The following KIF13A variants were observed in gnomAD, a reference collection of about 807,000 sequenced individuals.
The protein encoded by KIF13A is kinesin family member 13A.
A neutral mutation model predicts 212.2 loss-of-function variants in KIF13A; 79 were observed. The observed-to-expected ratio is 0.37, with a 90% CI of 0.31 to 0.45. The LOEUF (loss-of-function observed/expected upper bound fraction) is 0.45. Ranked by LOEUF, KIF13A falls within the 20% of genes least tolerant of loss-of-function variation. The pLI is 1.00. For missense variants in KIF13A, 1,901 were observed against 2,209.0 expected (o/e 0.86, Z 2.79); for synonymous variants, 789 against 808.6 (o/e 0.98, Z 0.41).
At chr6:17,762,883 T>G (rs901633367), downstream of KIF13A, among the ~76,000 whole-genome samples, 3 of 152,184 alleles carry the variant, frequency 2.0e-5, no homozygotes, top group African/African-American at 7.2e-5. Flanking sequence ...TTAAGGGCTG[T>G]TATGAAAAGC....
chr6:17,869,151 T>C (rs781428256), intron 4 of KIF13A, among the ~76,000 whole-genome samples: 2 of 152,136 alleles, frequency 1.3e-5, no homozygotes, highest in African/African-American at 2.4e-5. Context: ...AAATGGCTGA[T>C]TCATGTTTTA....
At position 17,987,259 on chromosome 6, in the gene KIF13A, G is replaced by GGCGCACCGGGCACCACGGCCA. The variant is rs1403798698; in HGVS notation, c.56-116_56-115insTGGCCGTGGTGCCCGGTGCGC. On this transcript the variant is annotated intron_variant, in intron 1 of 38. Transcript: ENST00000259711. This position sits in a 1 kb window ranked among gnomAD's most constrained non-coding sequence, Gnocchi z 7.7. ...CCTGGAGGCGGCCGAGCCTGGAGACGGCGCCCCGGGCACCACGGCCAGCGC... is the reference window on the plus strand; with the variant it reads ...CCTGGAGGCGGCCGAGCCTGGAGACGGCGCACCGGGCACCACGGCCAGCGCCCCGGGCACCACGGCCAGCGC... 3.4e-6 allele frequency: 3 copies of GGCGCACCGGGCACCACGGCCA among 881,170 alleles called. No homozygotes were observed. Among genetic ancestry groups the GGCGCACCGGGCACCACGGCCA allele is most frequent in the Admixed American group, 4.7e-5 (1 of 21,224 alleles). 54.6% of individuals were successfully genotyped at this position (881,170 alleles called of 1,614,324 possible).
intron 16 of KIF13A, chr6:17,821,819 G>A (rs1404607364): frequency 6.5e-7 from 1 of 1,535,208 alleles, no homozygotes; most frequent in East Asian, 2.4e-5. Context: ...AGCTTCGTCT[G>A]AAACCACATG....
Position 17,837,632 on chromosome 6 carries a change from T to A in KIF13A, c.831-49A>T. 8.0e-7 allele frequency: 1 copy of A among 1,257,458 alleles called. No individual in the cohort carries two copies. The highest frequency in any genetic ancestry group is 1.1e-6 in the Non-Finnish European group (1 of 879,490). 77.9% of individuals were successfully genotyped at this position (1,257,458 alleles called of 1,614,324 possible). On this transcript the variant is annotated intron_variant, in intron 9 of 38. Transcript: ENST00000259711. This position sits in a 1 kb window ranked among gnomAD's most constrained non-coding sequence, Gnocchi z 5.4. ...AGTTTTATGGAATGTTTATTTGGTTTAAGTATAAAATATGCAGAACAATAA... is the reference window on the plus strand; with the variant it reads ...AGTTTTATGGAATGTTTATTTGGTTAAAGTATAAAATATGCAGAACAATAA...
Position 17,961,748 on chromosome 6 carries a change from T to G in KIF13A, c.146+25306A>C, listed in dbSNP as rs931233012. ...GGGCTTCTAGGATCCTCCAGCCAAG[T>G]AAGATGTCCACCTCCAGCAACGACA... On this transcript the variant is annotated intron_variant, in intron 2 of 38. Coordinates refer to ENST00000259711, the MANE Select transcript of KIF13A (RefSeq NM_022113.6). This position sits in a 1 kb window ranked among gnomAD's most constrained non-coding sequence, Gnocchi z 4.1. 7.9e-5 allele frequency among the ~76,000 whole-genome samples: 12 copies of G among 152,206 alleles called. No individual in the cohort carries two copies. Among genetic ancestry groups the G allele is most frequent in the African/African-American group, 2.9e-4 (12 of 41,444 alleles).
intron 3 of KIF13A, among the ~76,000 whole-genome samples, chr6:17,890,536 CAA>C (rs1374229075): frequency 6.6e-6 from 1 of 152,056 alleles, no homozygotes; most frequent in Non-Finnish European, 1.5e-5. Context: ...ATTCTCCACA[CAA>C]GTGTCGTCTT....
Position 17,771,685 on chromosome 6 carries a change from GA to G in KIF13A, c.4476+222del. Reference sequence around the variant, plus strand: ...CACTTGAAACATAAAAAAATACTTTGAAAAGCCATAAACACAAAGAAATAAA... The same window carrying G: ...CACTTGAAACATAAAAAAATACTTTGAAAGCCATAAACACAAAGAAATAAA... On this transcript the variant is annotated intron_variant, in intron 37 of 38. Coordinates refer to ENST00000259711, the MANE Select transcript of KIF13A (RefSeq NM_022113.6). The surrounding 1 kb of genome is among the most constrained non-coding windows in gnomAD (Gnocchi z 5.4). 2.3e-6 allele frequency: 1 copy of G among 442,260 alleles called. No individual in the cohort carries two copies. The highest frequency in any genetic ancestry group is 4.0e-6 in the Non-Finnish European group (1 of 249,174). The allele number at this position is 442,260 out of a possible 1,614,324, so 27.4% of individuals were successfully genotyped here. A position where few individuals can be genotyped will look rare whatever the true frequency, so the allele number is the denominator to read the frequency against.
rs938890720 is a variant in KIF13A at position 17,892,944 on chromosome 6, C to T, written c.159+5224G>A. 9.9e-5 allele frequency among the ~76,000 whole-genome samples: 15 copies of T among 152,148 alleles called. No homozygotes were observed. Among genetic ancestry groups the T allele is most frequent in the African/African-American group, 2.4e-4 (10 of 41,420 alleles). On this transcript the variant is annotated intron_variant, in intron 3 of 38. Transcript: ENST00000259711. The surrounding 1 kb of genome is among the most constrained non-coding windows in gnomAD (Gnocchi z 4.7). The stretch of plus-strand genomic sequence containing the variant: ...ATTATGGAACCTGAGGAGGGGGACA[C>T]GGGAACTCTTGATTTATAGCCGGTA...
intron 16 of KIF13A, among the ~76,000 whole-genome samples, chr6:17,819,617 AC>A (rs199502621): frequency 6.6e-6 from 1 of 152,086 alleles, no homozygotes; most frequent in Non-Finnish European, 1.5e-5. Flanking sequence ...CAAAAAACAA[AC>A]AAAAAATCTT....
intron 38 of KIF13A, among the ~76,000 whole-genome samples, 156 bp from the exon 39 acceptor site, chr6:17,765,102 T>C (rs1356513009): frequency 6.6e-6 from 1 of 152,200 alleles, no homozygotes; most frequent in Non-Finnish European, 1.5e-5. Flanking sequence ...TTGTCACCTA[T>C]TGTAGATATA....
intron 38 of KIF13A, among the ~76,000 whole-genome samples, chr6:17,770,199 C>G (rs1322355919): frequency 6.6e-6 from 1 of 151,930 alleles, no homozygotes; most frequent in East Asian, 1.9e-4. Context: ...AATGAGACTC[C>G]CTACACTCTT....
chr6:17,840,328 C>T lies in KIF13A; in HGVS notation c.831-2745G>A, dbSNP rs555979544. Among the ~76,000 whole-genome samples the T allele has an allele frequency of 1.3e-4, 20 of 152,104 alleles. No individual in the cohort carries two copies. In the South Asian group the frequency reaches 4.1e-3, roughly 32 times the overall value. On this transcript the variant is annotated intron_variant, in intron 9 of 38. Transcript: ENST00000259711. ...AAAATACTGTATGTGATAATAGAGGCAAGTAGGAGTTCAATAAAAGGTAAA... is the reference window on the plus strand; with the variant it reads ...AAAATACTGTATGTGATAATAGAGGTAAGTAGGAGTTCAATAAAAGGTAAA...
intron 16 of KIF13A, among the ~76,000 whole-genome samples, chr6:17,822,921 A>G (rs1183848272): frequency 1.3e-5 from 2 of 152,250 alleles, no homozygotes; most frequent in Non-Finnish European, 2.9e-5. Flanking sequence ...CCTGCACTGC[A>G]GGGCCAAAAG....
Position 17,850,481 on chromosome 6 carries a change from G to T in KIF13A, c.583-24C>A, listed in dbSNP as rs751374511. ...TCCTAGGGGCAAAGCATAAGGAAAA[G>T]ACCATAAGCAAAAACACAAGAATGT... On this transcript the variant is annotated intron_variant, in intron 7 of 38. Coordinates refer to ENST00000259711, the MANE Select transcript of KIF13A (RefSeq NM_022113.6). The surrounding 1 kb of genome is among the most constrained non-coding windows in gnomAD (Gnocchi z 6.2). 1.3e-6 allele frequency: 2 copies of T among 1,597,046 alleles called. No individual in the cohort carries two copies. Among genetic ancestry groups the T allele is most frequent in the African/African-American group, 2.7e-5 (2 of 74,456 alleles).
chr6:17,939,477 G>A (rs900892141), intron 2 of KIF13A, among the ~76,000 whole-genome samples: 2 of 152,120 alleles, frequency 1.3e-5, no homozygotes, highest in Non-Finnish European at 2.9e-5. Flanking sequence ...CCATTCTGTC[G>A]GAGGCATTAG....
At chr6:17,842,000 C>CGTGTGTGTGTGTGT (rs56396263) in intron 9 of KIF13A, among the ~76,000 whole-genome samples, 2 of 143,712 alleles carry the variant, frequency 1.4e-5, no homozygotes, top group Admixed American at 1.4e-4. Flanking sequence ...TATACACATA[C>CGTGTGTGTGTGTGT]GTGTGTGTGT....
At chr6:17,893,908 C>T (rs572607884) in intron 3 of KIF13A, among the ~76,000 whole-genome samples, 4 of 136,706 alleles carry the variant, frequency 2.9e-5, no homozygotes, top group South Asian at 4.8e-4. Flanking sequence ...GGCGCAATCT[C>T]GGCTCACTGC....
rs1157584674 is a variant in KIF13A at position 17,918,417 on chromosome 6, TTAC to T, written c.147-20240_147-20238del. 6.6e-6 allele frequency among the ~76,000 whole-genome samples: 1 copy of T among 152,220 alleles called. No homozygotes were observed. The highest frequency in any genetic ancestry group is 1.5e-5 in the Non-Finnish European group (1 of 68,040). On this transcript the variant is annotated intron_variant, in intron 2 of 38. Transcript: ENST00000259711. This position sits in a 1 kb window ranked among gnomAD's most constrained non-coding sequence, Gnocchi z 4.8. ...TACATAAATAACAGTTACATTTATT[TTAC>T]TACTACAGAAAAATGATTATTTTAT...
chr6:17,838,279 C>T lies in KIF13A; in HGVS notation c.831-696G>A, dbSNP rs1039171810. ...GAGGCTGCAGTGAGCCAAGATCGCGCCACTGTACTCCAGCCTGGGCGACAG... is the reference window on the plus strand; with the variant it reads ...GAGGCTGCAGTGAGCCAAGATCGCGTCACTGTACTCCAGCCTGGGCGACAG... On this transcript the variant is annotated intron_variant, in intron 9 of 38. Transcript: ENST00000259711. The surrounding 1 kb of genome is among the most constrained non-coding windows in gnomAD (Gnocchi z 4.2). 3.3e-5 allele frequency among the ~76,000 whole-genome samples: 5 copies of T among 151,600 alleles called. No individual in the cohort carries two copies. Among genetic ancestry groups the T allele is most frequent in the Non-Finnish European group, 7.4e-5 (5 of 67,972 alleles).
Sources: allele counts gnomAD v4.1 joint callset (sites outside exome capture counted in the v4.1 genomes callset), GRCh38; gene constraint gnomAD v4.1.1; non-coding constraint Gnocchi (gnomAD v3.1); transcripts MANE v1.5; gene names NCBI Gene and HGNC (gene_info 2026-07-23, HGNC 2026-07-21).